STAT4: variants seen among roughly 807,000 people sequenced by gnomAD.
STAT4 encodes the protein signal transducer and activator of transcription 4.
Under a neutral mutation model 110.5 loss-of-function variants are expected in STAT4, and 42 were observed. The ratio of observed to expected loss-of-function variants is 0.38; its 90% confidence interval spans 0.30 to 0.49. The LOEUF is 0.49. Among genes scored for constraint, STAT4 ranks in the 20% least tolerant of loss-of-function variants. STAT4 has a pLI of 0.95. For synonymous variants in STAT4, 284 were observed against 302.2 expected, an observed-to-expected ratio of 0.94 and a Z score of 0.63; for missense variants, 632 against 887.9, an observed-to-expected ratio of 0.71 and a Z score of 3.66.
intron 8 of STAT4, among the ~76,000 whole-genome samples, chr2:191,064,554 G>T (rs767194762): frequency 8.5e-5 from 13 of 152,180 alleles, no homozygotes; most frequent in Non-Finnish European, 1.8e-4. Flanking sequence ...ATTTATTCGA[G>T]TCTTTTACGA....
At position 191,138,979 on chromosome 2, in the gene STAT4, A is replaced by C. The variant is rs540075214; in HGVS notation, c.273+7634T>G. 3.7e-4 allele frequency among the ~76,000 whole-genome samples: 57 copies of C among 152,324 alleles called. No individual in the cohort carries two copies. The Middle Eastern group carries it at 0.01, about 27-fold the overall frequency. ...AAAGTCAATAAATATGATACATTAC[A>C]TAAACAGAATTAGAAACAAAACCAT... is the stretch of plus-strand genomic sequence containing the variant. On this transcript the variant is annotated intron_variant, in intron 3 of 23. Coordinates refer to ENST00000392320, the MANE Select transcript of STAT4 (RefSeq NM_003151.4). The surrounding 1 kb of genome is among the most constrained non-coding windows in gnomAD (Gnocchi z 4.3).
At chr2:191,068,413 T>G (rs780084169) in intron 6 of STAT4, 1 of 152,176 alleles carries the variant, frequency 6.6e-6, no homozygotes, top group Non-Finnish European at 1.5e-5. Context: ...AAAAGTTGTA[T>G]GTACAAATAA....
At position 191,034,615 on chromosome 2, in the gene STAT4, A is replaced by G. The variant is rs754247387; in HGVS notation, c.1571-18T>C. ...AGATTGGACTGAAATGAAAGAAAAG[A>G]ATGAAATTTTTCACTGGACAATGAG... is the stretch of plus-strand genomic sequence containing the variant. On this transcript the variant is annotated intron_variant, in intron 17 of 23. Coordinates refer to ENST00000392320, the MANE Select transcript of STAT4 (RefSeq NM_003151.4). 1 of 1,605,954 alleles carries G rather than the reference A, an allele frequency of 6.2e-7. No homozygotes were observed. Among genetic ancestry groups the G allele is most frequent in the Non-Finnish European group, 8.5e-7 (1 of 1,172,968 alleles).
chr2:191,133,243 T>C (rs1699092495), intron 3 of STAT4, among the ~76,000 whole-genome samples: 1 of 151,564 alleles, frequency 6.6e-6, no homozygotes. Flanking sequence ...TAGGTATTCA[T>C]TTATTCATAA....
At chr2:191,141,380 A>G (rs1381101714) in intron 3 of STAT4, among the ~76,000 whole-genome samples, 3 of 149,078 alleles carry the variant, frequency 2.0e-5, no homozygotes, top group Non-Finnish European at 4.4e-5. Flanking sequence ...TTTTATACAT[A>G]CATGTATATA....
At chr2:191,128,383 T>A (rs375945929) in intron 3 of STAT4, among the ~76,000 whole-genome samples, 2 of 152,136 alleles carry the variant, frequency 1.3e-5, no homozygotes, top group African/African-American at 4.8e-5. Context: ...AGGAGGGAAC[T>A]GAGAAAGCAA....
chr2:191,127,699 C>T (rs1054241378), intron 3 of STAT4, among the ~76,000 whole-genome samples: 4 of 152,188 alleles, frequency 2.6e-5, no homozygotes, highest in Non-Finnish European at 5.9e-5. Context: ...ATGAGCCCTA[C>T]TTTTAAGAAA....
At chr2:191,145,617 A>G (rs1050917826) in intron 3 of STAT4, among the ~76,000 whole-genome samples, 3 of 152,242 alleles carry the variant, frequency 2.0e-5, no homozygotes, top group African/African-American at 4.8e-5. Context: ...GGGCAAAGAT[A>G]GCTCAGCGCA....
chr2:191,109,508 T>C (rs1216503002), intron 3 of STAT4, among the ~76,000 whole-genome samples: 2 of 152,170 alleles, frequency 1.3e-5, no homozygotes, highest in Non-Finnish European at 2.9e-5. Context: ...ATAGATGCTA[T>C]GAATTCACCA....
At chr2:191,102,086 T>C (rs1234272336) in intron 3 of STAT4, among the ~76,000 whole-genome samples, 1 of 151,992 alleles carries the variant, frequency 6.6e-6, no homozygotes, top group African/African-American at 2.4e-5. Context: ...GAATTCTGTA[T>C]TAATTTTAAC....
In STAT4 at chr2:191,082,200, TA is replaced by T. The variant is rs1697503442; in HGVS notation, c.274-5876del. Among the ~76,000 whole-genome samples the T allele has an allele frequency of 1.3e-5, 2 of 152,200 alleles. No homozygotes were observed. Among genetic ancestry groups the T allele is most frequent in the African/African-American group, 4.8e-5 (2 of 41,448 alleles). ...GAGCATCTTCCTTTCTTACATCCTATAAAGGATTTTATTGTTGCTTTCCAAG... is the reference window on the plus strand; with the variant it reads ...GAGCATCTTCCTTTCTTACATCCTATAAGGATTTTATTGTTGCTTTCCAAG... On this transcript the variant is annotated intron_variant, in intron 3 of 23. Transcript: ENST00000392320. This position sits in a 1 kb window ranked among gnomAD's most constrained non-coding sequence, Gnocchi z 4.7.
In STAT4 at chr2:191,118,266, C is replaced by T. The variant is rs1698623902; in HGVS notation, c.273+28347G>A. Among the ~76,000 whole-genome samples the T allele has an allele frequency of 2.0e-5, 3 of 152,200 alleles. No homozygotes were observed. In the South Asian group the frequency reaches 6.2e-4, roughly 31 times the overall value. On this transcript the variant is annotated intron_variant, in intron 3 of 23. Transcript: ENST00000392320. ...CAACCTTGGCAGTTTATCAGAATCA[C>T]TTGTGAAGCTTTATGAACTGCAGAT...
Position 191,117,059 on chromosome 2 carries a change from T to C in STAT4, c.273+29554A>G, listed in dbSNP as rs1698590852. The stretch of plus-strand genomic sequence containing the variant: ...ACCTGGGGAGCTTTACAAAATCCAA[T>C]AGGAACAGAATCTCTGGAGTGGGGC... On this transcript the variant is annotated intron_variant, in intron 3 of 23. Coordinates refer to ENST00000392320, the MANE Select transcript of STAT4 (RefSeq NM_003151.4). This position sits in a 1 kb window ranked among gnomAD's most constrained non-coding sequence, Gnocchi z 5.2. 1.3e-5 allele frequency among the ~76,000 whole-genome samples: 2 copies of C among 152,144 alleles called. No individual in the cohort carries two copies. The highest frequency in any genetic ancestry group is 2.4e-5 in the African/African-American group (1 of 41,450).
At chr2:191,094,741 C>T (rs1410700292) in intron 3 of STAT4, among the ~76,000 whole-genome samples, 3 of 151,972 alleles carry the variant, frequency 2.0e-5, no homozygotes, top group Admixed American at 6.6e-5. Flanking sequence ...CACATAACAA[C>T]ATTAACCTTA....
intron 14 of STAT4, among the ~76,000 whole-genome samples, chr2:191,047,045 C>G (rs1034418747): frequency 6.6e-6 from 1 of 152,108 alleles, no homozygotes; most frequent in African/African-American, 2.4e-5. Context: ...AATTCACCTA[C>G]AATGGCAAAG....
At position 191,099,186 on chromosome 2, in the gene STAT4, T is replaced by C. The variant is rs1336401178; in HGVS notation, c.274-22861A>G. Among the ~76,000 whole-genome samples, 2 of 151,908 alleles carry C rather than the reference T, an allele frequency of 1.3e-5. No individual in the cohort carries two copies. The highest frequency in any genetic ancestry group is 2.9e-5 in the Non-Finnish European group (2 of 67,950). On this transcript the variant is annotated intron_variant, in intron 3 of 23. Transcript: ENST00000392320. This position sits in a 1 kb window ranked among gnomAD's most constrained non-coding sequence, Gnocchi z 4.1. ...AGATAGTATTTCCCAAAAAGTCAGG[T>C]TGACAAAAATAAAAAAGAATGATAA...
rs989310535 is a variant in STAT4 at position 191,138,670 on chromosome 2, T to G, written c.273+7943A>C. ...CAGATGGATTCACAGCTGAATTCTA[T>G]CAGACATTCAAAGAAGAATTGGTAC... On this transcript the variant is annotated intron_variant, in intron 3 of 23. Transcript: ENST00000392320. The surrounding 1 kb of genome is among the most constrained non-coding windows in gnomAD (Gnocchi z 4.3). Among the ~76,000 whole-genome samples, 1 of 152,108 alleles carries G rather than the reference T, an allele frequency of 6.6e-6. No homozygotes were observed. Among genetic ancestry groups the G allele is most frequent in the Non-Finnish European group, 1.5e-5 (1 of 68,000 alleles).
At chr2:191,128,211 G>A (rs939292338) in intron 3 of STAT4, among the ~76,000 whole-genome samples, 1 of 152,214 alleles carries the variant, frequency 6.6e-6, no homozygotes, top group South Asian at 2.1e-4. Flanking sequence ...AGTGCTTGAC[G>A]AATTGACTGC....
chr2:191,076,021 T>C, intron 4 of STAT4: 1 of 504,352 alleles, frequency 2.0e-6, no homozygotes, highest in South Asian at 2.6e-5. Flanking sequence ...AACTAATTTT[T>C]AATTTTTTTT....
Sources: allele counts gnomAD v4.1 joint callset (sites outside exome capture counted in the v4.1 genomes callset), GRCh38; gene constraint gnomAD v4.1.1; non-coding constraint Gnocchi (gnomAD v3.1); transcripts MANE v1.5; gene names NCBI Gene and HGNC (gene_info 2026-07-23, HGNC 2026-07-21).